Variants in PTPRB observed in about 807,000 individuals in gnomAD.
PTPRB encodes receptor-type tyrosine-protein phosphatase beta.
A neutral mutation model predicts 238.1 loss-of-function variants in PTPRB; 97 were observed. The observed-to-expected ratio is 0.41, with a 90% CI of 0.35 to 0.48. The LOEUF (loss-of-function observed/expected upper bound fraction) is 0.48. Ranked by LOEUF, PTPRB falls within the 20% of genes least tolerant of loss-of-function variation. PTPRB has a pLI of 0.30. For synonymous variants in PTPRB, 970 were observed against 995.4 expected (o/e 0.97, Z 0.48); for missense variants, 2,292 against 2,681.9 (o/e 0.85, Z 3.21).
At chr12:70,559,050 C>T (rs972491825) in intron 18 of PTPRB, 4 of 519,748 alleles carry the variant, frequency 7.7e-6, no homozygotes, top group African/African-American at 1.9e-5. Context: ...GATTACCTAA[C>T]AAGTGTCTCC....
chr12:70,538,253 T>TGAGTC, intron 27 of PTPRB, 22 bp from the exon 28 acceptor site: 5 of 1,606,778 alleles, frequency 3.1e-6, no homozygotes, highest in Non-Finnish European at 4.3e-6. Context: ...GATTTGCTGC[T>TGAGTC]GAGTCTTGGA....
In PTPRB at chr12:70,571,970, T is replaced by C. The variant is rs1446288486; in HGVS notation, c.2960A>G (p.Lys987Arg). The change falls in exon 12 of 34, where the codon AAA (lysine) becomes AGA (arginine). Residue 987 changes from lysine (K) to arginine (R), a missense_variant. By Grantham distance (26) the Lys-to-Arg change is conservative. Around this residue, in one of 4 missense-constraint regions of PTPRB, gnomAD observed 1,205 missense variants for 1,287.8 expected, o/e 0.94. Coordinates refer to ENST00000334414, the MANE Select transcript of PTPRB (RefSeq NM_001109754.4). ...GCTTTTAGTTTGAATGAAGTTGTTT[T>C]TGTTTTTAATGGTGACTTCATAGTG... The part of the protein sequence containing the change: ...FDHYEVTIKN[K>R]NNFIQTKSIP... The C allele has an allele frequency of 7.4e-6, 12 of 1,614,030 alleles. No homozygotes were observed. In the South Asian group the frequency reaches 1.3e-4, roughly 18 times the overall value.
chr12:70,635,577 T>C (rs1321919259), intron 2 of PTPRB, 94 bp downstream of exon 2: 1 of 1,412,086 alleles, frequency 7.1e-7, no homozygotes, highest in Non-Finnish European at 9.4e-7. Context: ...TGGACTTCCC[T>C]TAAATGTAAA....
At chr12:70,622,840 A>T (rs1885005903) in intron 2 of PTPRB, among the ~76,000 whole-genome samples, 194 bp from the exon 3 acceptor site, 1 of 152,024 alleles carries the variant, frequency 6.6e-6, no homozygotes. Flanking sequence ...CCCATCCTTT[A>T]TCTATCTATC....
intron 7 of PTPRB, among the ~76,000 whole-genome samples, chr12:70,591,390 G>A (rs1592550540): frequency 6.6e-6 from 1 of 152,198 alleles, no homozygotes; most frequent in Admixed American, 6.5e-5. Flanking sequence ...CTTACTGGCT[G>A]GATGACTATG....
chr12:70,594,868 G>A, intron 5 of PTPRB, 144 bp from the exon 6 acceptor site: 1 of 1,125,760 alleles, frequency 8.9e-7, no homozygotes, highest in Non-Finnish European at 1.2e-6. Flanking sequence ...ACAGGATTCT[G>A]GAAATTTCAC....
At chr12:70,539,172 A>T (rs1874652598) in intron 26 of PTPRB, 158 bp from the exon 27 acceptor site, 1 of 640,680 alleles carries the variant, frequency 1.6e-6, no homozygotes. Context: ...TCCCCACAAC[A>T]GCCCCACAAG....
intron 32 of PTPRB, among the ~76,000 whole-genome samples, chr12:70,524,970 T>C (rs1476434133): frequency 7.6e-6 from 1 of 130,830 alleles, no homozygotes; most frequent in East Asian, 2.1e-4. Flanking sequence ...TATGTGTATA[T>C]ATGTGTGTGT....
intron 4 of PTPRB, among the ~76,000 whole-genome samples, chr12:70,598,061 C>T (rs569781573): frequency 2.6e-5 from 4 of 152,202 alleles, no homozygotes; most frequent in Middle Eastern, 3.4e-3. Flanking sequence ...ACAGAGTGCC[C>T]GAAACACAGG....
intron 21 of PTPRB, among the ~76,000 whole-genome samples, 198 bp from the exon 22 acceptor site, chr12:70,544,861 G>T (rs1875728624): frequency 6.6e-6 from 1 of 152,064 alleles, no homozygotes; most frequent in African/African-American, 2.4e-5. Flanking sequence ...CCTGCCACAC[G>T]CCAATCACTG....
At chr12:70,634,281 T>C (rs775598222) in intron 2 of PTPRB, among the ~76,000 whole-genome samples, 5 of 152,142 alleles carry the variant, frequency 3.3e-5, no homozygotes, top group Non-Finnish European at 7.3e-5. Flanking sequence ...AGGAAAAGAC[T>C]TAACAATACA....
intron 22 of PTPRB, 199 bp from the exon 23 acceptor site, chr12:70,541,156 G>T: frequency 1.8e-6 from 1 of 542,020 alleles, no homozygotes. Flanking sequence ...CTCCCACCCT[G>T]TAGCAGTGAG....
chr12:70,576,370 A>C lies in PTPRB; in HGVS notation c.2842+12T>G, dbSNP rs753915256. The C allele has an allele frequency of 6.2e-7, 1 of 1,610,366 alleles. No homozygotes were observed. The highest frequency in any genetic ancestry group is 1.3e-5 in the African/African-American group (1 of 74,830). ...GGTTCTTACGGAGCCCTGAACCTTC[A>C]TACAGCCTTACCTGTCCGCTCTTGG... On this transcript the variant is annotated intron_variant, in intron 11 of 33. Transcript: ENST00000334414.
At position 70,572,097 on chromosome 12, in the gene PTPRB, A is replaced by G; in HGVS notation, c.2843-10T>C. ...TGGACTTTGTCAGGCACTGAAAAGG[A>G]AACAGAGAGTAACTAAATATTTATG... On this transcript the variant is annotated splice_polypyrimidine_tract_variant and intron_variant, in intron 11 of 33. Coordinates refer to ENST00000334414, the MANE Select transcript of PTPRB (RefSeq NM_001109754.4). The G allele has an allele frequency of 6.3e-7, 1 of 1,596,052 alleles. No individual in the cohort carries two copies.
intron 18 of PTPRB, among the ~76,000 whole-genome samples, chr12:70,556,421 G>C (rs1348869619): frequency 1.3e-5 from 2 of 152,062 alleles, no homozygotes; most frequent in Admixed American, 1.3e-4. Flanking sequence ...ACGTGGCTGA[G>C]GACAGTCTCT....
Position 70,548,339 on chromosome 12 carries a change from C to CTT in PTPRB, c.5388-3677_5388-3676insAA, listed in dbSNP as rs1876355275. Among the ~76,000 whole-genome samples, 5 of 30,726 alleles carry CTT rather than the reference C, an allele frequency of 1.6e-4. No homozygotes were observed. The Admixed American group carries it at 2.2e-3, about 14-fold the overall frequency. 20.2% of individuals were successfully genotyped at this position (30,726 alleles called of 152,430 possible). On this transcript the variant is annotated intron_variant, in intron 21 of 33. Transcript: ENST00000334414. ...CAAGACTCTCTCTCTCTCTCTCTCTCTCTCTCTCACACACACACACACACA... is the reference window on the plus strand; with the variant it reads ...CAAGACTCTCTCTCTCTCTCTCTCTCTTTCTCTCTCACACACACACACACACA...
intron 32 of PTPRB, among the ~76,000 whole-genome samples, chr12:70,525,873 A>G (rs552814890): frequency 3.3e-5 from 5 of 152,326 alleles, no homozygotes; most frequent in African/African-American, 1.2e-4. Context: ...CTTATTAAAC[A>G]AGGAGGCAAA....
intron 12 of PTPRB, 153 bp from the exon 13 acceptor site, chr12:70,571,442 T>C: frequency 1.3e-6 from 1 of 762,986 alleles, no homozygotes; most frequent in Non-Finnish European, 2.0e-6. Flanking sequence ...CAAGAAAAAT[T>C]GGAAGCAACT....
At chr12:70,529,512 T>G (rs1324332289) in intron 32 of PTPRB, among the ~76,000 whole-genome samples, 1 of 152,110 alleles carries the variant, frequency 6.6e-6, no homozygotes, top group Non-Finnish European at 1.5e-5. Context: ...TTTAGCAACA[T>G]AATTGTAGGA....
Sources: gnomAD v4.1 joint callset for allele counts (sites outside exome capture counted in the v4.1 genomes callset) on GRCh38, gnomAD v4.1.1 for gene constraint, gnomAD v4.1.1 regional missense constraint, MANE v1.5 for transcripts, NCBI Gene and HGNC (gene_info 2026-07-23, HGNC 2026-07-21) for gene names.